The following LGR6 variants were observed in gnomAD, a reference collection of about 807,000 sequenced individuals.
The protein encoded by LGR6 is leucine rich repeat containing G protein-coupled receptor 6, also known as leucine-rich repeat-containing G protein-coupled receptor 6.
In LGR6, 45 loss-of-function variants were observed where a neutral mutation model predicts 69.4. The ratio of observed to expected loss-of-function variants is 0.65; its 90% CI spans 0.51 to 0.83. The LOEUF is 0.83. Ranked by LOEUF, LGR6 falls within the 40% of genes least tolerant of loss-of-function variation. The probability of loss-of-function intolerance (pLI) is 0.00; values close to 1 mark genes in which losing one functional copy is unlikely to be tolerated. For missense variants in LGR6, 1,108 were observed against 1,246.7 expected, an observed-to-expected ratio of 0.89 and a Z score of 1.68; for synonymous variants, 538 against 555.0, an observed-to-expected ratio of 0.97 and a Z score of 0.43.
chr1:202,215,682 A>C (rs1401002643), intron 1 of LGR6, among the ~76,000 whole-genome samples: 1 of 152,174 alleles, frequency 6.6e-6, no homozygotes, highest in Non-Finnish European at 1.5e-5. Flanking sequence ...GTCCCTCTTC[A>C]ATCCCTTGTC....
chr1:202,203,558 T>TTCAA lies in LGR6; in HGVS notation c.212+9361_212+9364dup, dbSNP rs200724141. ...GAGCAAGCATTCATTCATTCATTCA[T>TTCAA]TCAATCACTCATTTGTTCATGTGAC... On this transcript the variant is annotated intron_variant, in intron 1 of 17. Transcript: ENST00000367278. Among the ~76,000 whole-genome samples, 741 of 152,294 alleles carry TTCAA rather than the reference T, an allele frequency of 4.9e-3. 10 individuals carry two copies. Among genetic ancestry groups the TTCAA allele is most frequent in the African/African-American group, 0.017 (706 of 41,552 alleles).
At chr1:202,236,101 C>T in intron 4 of LGR6, 108 bp downstream of exon 4, 1 of 848,440 alleles carries the variant, frequency 1.2e-6, no homozygotes, top group South Asian at 1.4e-5. Flanking sequence ...CGCCCCCTCT[C>T]CCAGTCCACG....
chr1:202,204,456 C>CAT (rs1658978256), intron 1 of LGR6, among the ~76,000 whole-genome samples: 1 of 110,280 alleles, frequency 9.1e-6, no homozygotes, highest in Non-Finnish European at 1.9e-5. Context: ...TCCACACACA[C>CAT]ACACCTCCAC....
intron 4 of LGR6, among the ~76,000 whole-genome samples, chr1:202,263,536 G>T (rs1664404705): frequency 6.6e-6 from 1 of 152,144 alleles, no homozygotes; most frequent in African/African-American, 2.4e-5. Flanking sequence ...GAGTGTGTTT[G>T]ATTTGTTCCT....
chr1:202,282,350 A>G (rs1666076645), intron 6 of LGR6, among the ~76,000 whole-genome samples: 1 of 152,232 alleles, frequency 6.6e-6, no homozygotes. Flanking sequence ...AGTTAGAGAC[A>G]GAGCAGATCT....
In LGR6 at chr1:202,318,888, G is replaced by T. The variant is rs138902385; in HGVS notation, c.2585G>T (p.Ser862Ile). The T allele has an allele frequency of 1.4e-5, 23 of 1,614,060 alleles. No homozygotes were observed. The highest frequency in any genetic ancestry group is 1.9e-5 in the Non-Finnish European group (23 of 1,179,964). ...GCTGCGGCCGGGGAGCTGGAGAAGA[G>T]CTCCTGTGATTCTACCCAGGCCCTG... Reference protein sequence around the residue: ...AYAAAGELEKSSCDSTQALVA... With the variant: ...AYAAAGELEKISCDSTQALVA... The change falls in exon 18 of 18, where the codon AGC becomes ATC. Residue 862 changes from serine (S) to isoleucine (I), a missense_variant. By Grantham distance (142) the Ser-to-Ile change is moderately radical. Coordinates refer to ENST00000367278, the MANE Select transcript of LGR6 (RefSeq NM_001017403.2).
chr1:202,205,599 T>TAC (rs1224502341), intron 1 of LGR6, among the ~76,000 whole-genome samples: 7 of 112,104 alleles, frequency 6.2e-5, no homozygotes, highest in Admixed American at 9.7e-5. Flanking sequence ...CCTTCAAACA[T>TAC]ACACACACAC....
intron 1 of LGR6, among the ~76,000 whole-genome samples, chr1:202,202,160 G>T (rs992077086): frequency 2.6e-5 from 4 of 152,158 alleles, no homozygotes; most frequent in Non-Finnish European, 5.9e-5. Context: ...GAAGCCATGA[G>T]CCCAGGTTAG....
Position 202,310,341 on chromosome 1 carries a change from A to G in LGR6, c.1551A>G (p.Arg517=). The change falls in exon 16 of 18, where the codon AGA becomes AGG. Residue 517 remains arginine (R), a synonymous_variant. Coordinates refer to ENST00000367278, the MANE Select transcript of LGR6 (RefSeq NM_001017403.2). ...SSKRPLGLLA[R]QAENHYDQDL... ...AAAGGCCCCTGGGCCTCCTTGCCAG[A>G]CAAGCAGAGAACCACTGTGAGTGAC... The G allele has an allele frequency of 1.2e-6, 2 of 1,613,700 alleles. No homozygotes were observed. The highest frequency in any genetic ancestry group is 1.7e-6 in the Non-Finnish European group (2 of 1,179,952).
intron 1 of LGR6, among the ~76,000 whole-genome samples, chr1:202,210,499 G>C (rs1231302093): frequency 1.3e-5 from 2 of 151,816 alleles, no homozygotes; most frequent in Non-Finnish European, 2.9e-5. Flanking sequence ...AGGGAGGGCA[G>C]CCCTCTTCAG....
chr1:202,256,122 A>G (rs1663751624), intron 4 of LGR6, among the ~76,000 whole-genome samples: 2 of 152,246 alleles, frequency 1.3e-5, no homozygotes, highest in African/African-American at 4.8e-5. Flanking sequence ...CATTTTATAT[A>G]AATGGAATAA....
chr1:202,249,664 C>T (rs138942949), intron 4 of LGR6, among the ~76,000 whole-genome samples: 1 of 152,334 alleles, frequency 6.6e-6, no homozygotes, highest in African/African-American at 2.4e-5. Context: ...TTCCCTAATT[C>T]GGAGACTTGG....
chr1:202,318,587 G>A lies in LGR6; in HGVS notation c.2284G>A (p.Asp762Asn), dbSNP rs748602361. The A allele has an allele frequency of 1.1e-5, 18 of 1,613,940 alleles. No homozygotes were observed. The highest frequency in any genetic ancestry group is 2.2e-5 in the East Asian group (1 of 44,844). The stretch of plus-strand genomic sequence containing the variant: ...ACTGTACTGTGACCTGCCGCGGGGC[G>A]ACTTTGAGGCCGTGTGGGACTGCGC... ...IKLYCDLPRG[D>N]FEAVWDCAMV... The change falls in exon 18 of 18, where the codon GAC (aspartate) becomes AAC (asparagine). Residue 762 changes from aspartate to asparagine, a missense_variant. Coordinates refer to ENST00000367278, the MANE Select transcript of LGR6 (RefSeq NM_001017403.2).
chr1:202,293,471 A>T (rs1435931866), intron 6 of LGR6, among the ~76,000 whole-genome samples: 1 of 151,368 alleles, frequency 6.6e-6, no homozygotes, highest in African/African-American at 2.4e-5. Flanking sequence ...ATGCTCTTTC[A>T]TTATCTTGTG....
Position 202,310,190 on chromosome 1 carries a change from C to G in LGR6, c.1407-7C>G, listed in dbSNP as rs899922390. 1.2e-6 allele frequency: 2 copies of G among 1,613,374 alleles called. No individual in the cohort carries two copies. The highest frequency in any genetic ancestry group is 1.7e-4 in the Middle Eastern group (1 of 6,054). On this transcript the variant is annotated splice_region_variant and splice_polypyrimidine_tract_variant and intron_variant, in intron 15 of 17. Transcript: ENST00000367278. Reference sequence around the variant, plus strand: ...GGCAGCCAATCAGCCTGCCTCTCCCCCACCAGGATCCTGGAGGTGCCTTAT... The same window carrying G: ...GGCAGCCAATCAGCCTGCCTCTCCCGCACCAGGATCCTGGAGGTGCCTTAT...
intron 4 of LGR6, among the ~76,000 whole-genome samples, chr1:202,259,544 A>G (rs187664632): frequency 2.2e-3 from 335 of 152,314 alleles, no homozygotes; most frequent in Non-Finnish European, 3.2e-3. Flanking sequence ...CTGTGCTAAT[A>G]TATTAAATTA....
At chr1:202,267,293 T>C (rs1216470848) in intron 4 of LGR6, among the ~76,000 whole-genome samples, 2 of 152,068 alleles carry the variant, frequency 1.3e-5, no homozygotes, top group African/African-American at 4.8e-5. Flanking sequence ...GGCACCTGCT[T>C]GAAGGGGAGC....
At chr1:202,236,138 T>C in intron 4 of LGR6, 145 bp downstream of exon 4, 1 of 662,348 alleles carries the variant, frequency 1.5e-6, no homozygotes, top group African/African-American at 1.8e-5. Flanking sequence ...GCTCCTGGCT[T>C]TGGTTTCTCC....
At chr1:202,266,782 CCTT>C (rs1664699339) in intron 4 of LGR6, among the ~76,000 whole-genome samples, 1 of 152,120 alleles carries the variant, frequency 6.6e-6, no homozygotes, top group South Asian at 2.1e-4. Flanking sequence ...CCTCTTTACT[CCTT>C]CTAGGAAGTT....
Sources: allele counts gnomAD v4.1 joint callset (sites outside exome capture counted in the v4.1 genomes callset), GRCh38; gene constraint gnomAD v4.1.1; transcripts MANE v1.5; gene names NCBI Gene and HGNC (gene_info 2026-07-23, HGNC 2026-07-21).